RAVER2: variants seen among roughly 807,000 people sequenced by gnomAD.
RAVER2 encodes the protein ribonucleoprotein, PTB binding 2.
RAVER2 carries 46 observed loss-of-function variants against 78.1 expected under a neutral mutation model. The observed-to-expected ratio is 0.59, with a 90% confidence interval of 0.46 to 0.75. RAVER2 has a LOEUF of 0.75. RAVER2 is among the 30% of genes least tolerant of loss of function. RAVER2 has a pLI of 0.00. For synonymous variants in RAVER2, 311 were observed against 313.3 expected (o/e 0.99, Z 0.08); for missense variants, 793 against 837.5 (o/e 0.95, Z 0.66).
At chr1:64,767,275 G>GT (rs1352490088) in intron 1 of RAVER2, among the ~76,000 whole-genome samples, 1 of 151,918 alleles carries the variant, frequency 6.6e-6, no homozygotes, top group Non-Finnish European at 1.5e-5. Context: ...TCGTGGTATT[G>GT]TTTTTATAAC....
chr1:64,756,513 T>C (rs189523159), intron 1 of RAVER2, among the ~76,000 whole-genome samples: 3 of 152,180 alleles, frequency 2.0e-5, no homozygotes, highest in Admixed American at 6.5e-5. Context: ...TGTCTTCTTA[T>C]TGAATAAGCT....
At chr1:64,819,723 A>G (rs1170569702) in intron 11 of RAVER2, among the ~76,000 whole-genome samples, 1 of 152,246 alleles carries the variant, frequency 6.6e-6, no homozygotes. Flanking sequence ...TTGTAAAGAG[A>G]TAATCTTGAG....
intron 9 of RAVER2, among the ~76,000 whole-genome samples, chr1:64,810,035 A>C (rs1375307558): frequency 6.6e-6 from 1 of 152,202 alleles, no homozygotes; most frequent in Non-Finnish European, 1.5e-5. Flanking sequence ...ATTGTAAATA[A>C]TGCTGCTGTG....
At chr1:64,796,477 T>C (rs1164584595) in intron 5 of RAVER2, among the ~76,000 whole-genome samples, 1 of 151,996 alleles carries the variant, frequency 6.6e-6, no homozygotes, top group Non-Finnish European at 1.5e-5. Flanking sequence ...GATCTTGTTC[T>C]TCTTAAGTGA....
intron 5 of RAVER2, among the ~76,000 whole-genome samples, chr1:64,796,382 G>C (rs965555836): frequency 6.6e-6 from 1 of 152,026 alleles, no homozygotes; most frequent in South Asian, 2.1e-4. Flanking sequence ...GATAGAATTC[G>C]CTAGTGAAAT....
At chr1:64,780,255 A>G (rs982880939) in intron 3 of RAVER2, among the ~76,000 whole-genome samples, 22 of 152,192 alleles carry the variant, frequency 1.4e-4, no homozygotes, top group African/African-American at 4.8e-4. Flanking sequence ...TGGCTTTTAC[A>G]AACCTGATTT....
intron 10 of RAVER2, 77 bp downstream of exon 10, chr1:64,812,926 C>A: frequency 1.8e-6 from 2 of 1,104,628 alleles, no homozygotes; most frequent in Admixed American, 2.8e-5. Flanking sequence ...TAATTTTTGA[C>A]TTCATGGAAG....
intron 5 of RAVER2, among the ~76,000 whole-genome samples, chr1:64,796,554 A>C (rs1394033511): frequency 1.3e-5 from 2 of 152,120 alleles, no homozygotes. Context: ...TTATTGGCAT[A>C]ACATTGTTCA....
At chr1:64,766,873 T>C (rs1208921102) in intron 1 of RAVER2, among the ~76,000 whole-genome samples, 1 of 152,158 alleles carries the variant, frequency 6.6e-6, no homozygotes, top group Non-Finnish European at 1.5e-5. Context: ...CAGTGATGTT[T>C]TCTTATTGAA....
At chr1:64,799,227 T>A (rs1570566743) in intron 5 of RAVER2, among the ~76,000 whole-genome samples, 2 of 152,194 alleles carry the variant, frequency 1.3e-5, no homozygotes, top group South Asian at 4.1e-4. Flanking sequence ...TAATATAATG[T>A]CCTCCAGGTT....
At chr1:64,806,577 G>C (rs77721701) in intron 8 of RAVER2, among the ~76,000 whole-genome samples, 3 of 152,078 alleles carry the variant, frequency 2.0e-5, no homozygotes, top group Non-Finnish European at 4.4e-5. Flanking sequence ...CAGCTCTCTA[G>C]GTTGAAAAAA....
At chr1:64,793,477 T>C (rs2100857675) in intron 5 of RAVER2, among the ~76,000 whole-genome samples, 1 of 152,332 alleles carries the variant, frequency 6.6e-6, no homozygotes, top group Admixed American at 6.5e-5. Context: ...CTTCTTTATG[T>C]ATGTGTGTGT....
intron 11 of RAVER2, among the ~76,000 whole-genome samples, chr1:64,823,983 A>G (rs542349218): frequency 1.3e-5 from 2 of 151,876 alleles, no homozygotes; most frequent in East Asian, 1.9e-4. Context: ...ATTTTTGTAT[A>G]TTTAGTAGAG....
At chr1:64,822,327 G>C (rs1653909815) in intron 11 of RAVER2, among the ~76,000 whole-genome samples, 1 of 152,156 alleles carries the variant, frequency 6.6e-6, no homozygotes, top group African/African-American at 2.4e-5. Context: ...TCATCACTTA[G>C]AGAATATCAA....
rs560728773 is a variant in RAVER2 at position 64,812,692 on chromosome 1, C to T, written c.1681-46C>T. 71 of 1,244,742 alleles carry T rather than the reference C, an allele frequency of 5.7e-5. 1 individual carries two copies. In the South Asian group the frequency reaches 7.5e-4, roughly 13 times the overall value. The allele number at this position is 1,244,742 out of a possible 1,614,324, so 77.1% of individuals were successfully genotyped here. ...TTTCTCTATTCTTTATTTTTATTTT[C>T]GTGTACCTCTCATTAAGTACTCCCT... On this transcript the variant is annotated intron_variant, in intron 9 of 11. Coordinates refer to ENST00000294428, the Ensembl canonical transcript of RAVER2.
At chr1:64,762,019 G>T (rs1480638060) in intron 1 of RAVER2, among the ~76,000 whole-genome samples, 1 of 152,120 alleles carries the variant, frequency 6.6e-6, no homozygotes, top group East Asian at 1.9e-4. Flanking sequence ...GGAGGCTGAG[G>T]TGGGAAGATC....
chr1:64,759,283 G>A (rs748614002), intron 1 of RAVER2, among the ~76,000 whole-genome samples: 19 of 151,690 alleles, frequency 1.3e-4, no homozygotes, highest in Admixed American at 1.2e-3. Context: ...GCAGTGGCGC[G>A]ATCTTGGCTA....
chr1:64,803,047 A>G (rs897060393), exon 6 of RAVER2: 6 of 1,594,886 alleles, frequency 3.8e-6, no homozygotes, highest in Non-Finnish European at 4.3e-6. Flanking sequence ...TTTACATTTG[A>G]ATAAAGCACA....
intron 3 of RAVER2, among the ~76,000 whole-genome samples, chr1:64,779,350 G>A (rs543644283): frequency 4.6e-5 from 7 of 151,806 alleles, no homozygotes; most frequent in South Asian, 2.1e-4. Context: ...TTAAGCTTCC[G>A]CACATGGGTG....
Sources: gnomAD v4.1 joint callset for allele counts (sites outside exome capture counted in the v4.1 genomes callset) on GRCh38, gnomAD v4.1.1 for gene constraint, MANE v1.5 for transcripts, NCBI Gene and HGNC (gene_info 2026-07-23, HGNC 2026-07-21) for gene names.